The following LMLN variants were observed in gnomAD, a reference collection of about 807,000 sequenced individuals.
The protein encoded by LMLN is leishmanolysin-like peptidase.
Under a neutral mutation model 92.3 loss-of-function variants are expected in LMLN, and 70 were observed. The observed-to-expected ratio is 0.76, with a 90% CI of 0.63 to 0.92. The LOEUF (loss-of-function observed/expected upper bound fraction) is 0.92, where lower values mean the gene tolerates loss of function less well. LMLN is among the 40% of genes least tolerant of loss of function. The probability of loss-of-function intolerance (pLI) is 0.00; values close to 1 mark genes in which losing one functional copy is unlikely to be tolerated. For missense variants in LMLN, 691 were observed against 814.6 expected (o/e 0.85, Z 1.85); for synonymous variants, 308 against 296.2 (o/e 1.04, Z -0.41).
chr3:197,969,490 A>AT (rs930857926), intron 1 of LMLN, among the ~76,000 whole-genome samples: 18 of 151,990 alleles, frequency 1.2e-4, no homozygotes, highest in African/African-American at 4.3e-4. Context: ...TTGTTGTTTG[A>AT]TTTTTTCAAA....
intron 11 of LMLN, among the ~76,000 whole-genome samples, chr3:198,006,547 T>C (rs1722298884): frequency 6.6e-6 from 1 of 152,228 alleles, no homozygotes; most frequent in Non-Finnish European, 1.5e-5. Context: ...TCCACATCTT[T>C]GCCAGCATTT....
chr3:197,980,974 G>T (rs780706654), intron 6 of LMLN, among the ~76,000 whole-genome samples: 3 of 152,046 alleles, frequency 2.0e-5, no homozygotes, highest in Non-Finnish European at 4.4e-5. Flanking sequence ...GTGGTGGCAT[G>T]CACCCGTGGT....
At chr3:197,976,108 G>A in exon 4 of LMLN, 1 of 1,589,810 alleles carries the variant, frequency 6.3e-7, no homozygotes, top group Non-Finnish European at 8.6e-7. Flanking sequence ...ATCTTACTTA[G>A]CAGGTATGTC....
At chr3:197,986,478 C>T (rs1465344468) in intron 8 of LMLN, among the ~76,000 whole-genome samples, 1 of 151,986 alleles carries the variant, frequency 6.6e-6, no homozygotes, top group African/African-American at 2.4e-5. Context: ...AGAAGCCTTC[C>T]AGTAAAAACG....
chr3:198,028,592 A>G (rs963039590), intron 14 of LMLN, among the ~76,000 whole-genome samples: 1 of 152,204 alleles, frequency 6.6e-6, no homozygotes, highest in Non-Finnish European at 1.5e-5. Context: ...CCCTGATGAA[A>G]CTGAGATCAT....
chr3:198,038,183 A>C (rs539171996), intron 15 of LMLN: 1 of 193,450 alleles, frequency 5.2e-6, no homozygotes, highest in African/African-American at 2.4e-5. Flanking sequence ...GCATTCTCAA[A>C]ATGTACTAGT....
rs1721311856 is a variant in LMLN at position 197,974,416 on chromosome 3, AAG to A, written c.265_266del (p.Asp89CysfsTer2). The A allele has an allele frequency of 6.3e-7, 1 of 1,599,028 alleles. No homozygotes were observed. Among genetic ancestry groups the A allele is most frequent in the East Asian group, 2.3e-5 (1 of 44,380 alleles). Reference sequence around the variant, plus strand: ...TCATCTTAAGGCAAATCATGTGGTCAAGAGAGATGTTGATGAGCATTTAAGAA... The same window carrying A: ...TCATCTTAAGGCAAATCATGTGGTCAAGAGATGTTGATGAGCATTTAAGAA... On this transcript the variant is annotated frameshift_variant, in exon 2 of 16. Transcript: ENST00000330198. LOFTEE classifies it high-confidence loss of function.
chr3:197,975,153 T>C (rs764556747), intron 3 of LMLN, 81 bp downstream of exon 3: 7 of 761,760 alleles, frequency 9.2e-6, no homozygotes, highest in Non-Finnish European at 1.6e-5. Flanking sequence ...AAGAAAAATA[T>C]ATACATGACT....
intron 14 of LMLN, among the ~76,000 whole-genome samples, chr3:198,028,978 C>T (rs1236023108): frequency 5.9e-5 from 9 of 152,292 alleles, no homozygotes; most frequent in South Asian, 4.1e-4. Flanking sequence ...TGGCTGTGGA[C>T]GTCTCAAGTA....
intron 11 of LMLN, among the ~76,000 whole-genome samples, chr3:198,011,351 C>T (rs1371407011): frequency 1.3e-5 from 2 of 151,984 alleles, no homozygotes; most frequent in Admixed American, 6.6e-5. Context: ...TCAATTCCCA[C>T]CTATGAGTGA....
chr3:198,024,686 G>C (rs773026882), exon 14 of LMLN: 1 of 1,608,084 alleles, frequency 6.2e-7, no homozygotes, highest in Non-Finnish European at 8.5e-7. Context: ...GCGCTGAAAA[G>C]TATGGACCTC....
intron 5 of LMLN, among the ~76,000 whole-genome samples, chr3:197,978,688 GT>G (rs1721471858): frequency 1.3e-5 from 2 of 152,112 alleles, no homozygotes; most frequent in African/African-American, 4.8e-5. Context: ...AGCTAAGCTA[GT>G]GCTTAATAAA....
At chr3:198,002,397 T>C (rs1357015171) in intron 11 of LMLN, among the ~76,000 whole-genome samples, 1 of 152,224 alleles carries the variant, frequency 6.6e-6, no homozygotes, top group Non-Finnish European at 1.5e-5. Flanking sequence ...CCCAGAGTGC[T>C]GGGGTTACAA....
intron 14 of LMLN, among the ~76,000 whole-genome samples, chr3:198,030,328 C>T (rs568789750): frequency 3.9e-5 from 6 of 152,280 alleles, no homozygotes; most frequent in Admixed American, 6.5e-5. Context: ...TGGATAAATA[C>T]GTATTCACTG....
chr3:197,973,268 G>C (rs899872459), intron 1 of LMLN, among the ~76,000 whole-genome samples: 2 of 149,942 alleles, frequency 1.3e-5, no homozygotes, highest in African/African-American at 2.5e-5. Context: ...TTGAGACGGA[G>C]TCTTGCTCTG....
At position 198,011,427 on chromosome 3, in the gene LMLN, T is replaced by C. The variant is rs530143283; in HGVS notation, c.1233-7826T>C. Among the ~76,000 whole-genome samples, 444 of 152,268 alleles carry C rather than the reference T, an allele frequency of 2.9e-3. 2 individuals carry two copies. The highest frequency in any genetic ancestry group is 0.011 in the Admixed American group (169 of 15,290). ...CTGAGAATGATGGTTTCCAGCTTCA[T>C]CCATGTCCCTACAAAGGACATGAAC... is the stretch of plus-strand genomic sequence containing the variant. On this transcript the variant is annotated intron_variant, in intron 11 of 15. Transcript: ENST00000330198.
intron 1 of LMLN, among the ~76,000 whole-genome samples, chr3:197,972,857 TTGAC>T (rs1218843930): frequency 6.6e-6 from 1 of 152,176 alleles, no homozygotes; most frequent in African/African-American, 2.4e-5. Context: ...AGTCAAATAT[TTGAC>T]TGGGTTTCAT....
chr3:197,991,099 TTTTC>T (rs1206674623), intron 9 of LMLN, among the ~76,000 whole-genome samples: 4 of 146,528 alleles, frequency 2.7e-5, no homozygotes, highest in African/African-American at 8.1e-5. Context: ...TTTTCTTTTA[TTTTC>T]TTTCTTTCTT....
chr3:197,962,929 AATTT>A (rs201255393), intron 1 of LMLN, among the ~76,000 whole-genome samples: 1,968 of 152,152 alleles, frequency 0.013, 33 homozygotes, highest in African/African-American at 0.045. Flanking sequence ...TTTCCATATA[AATTT>A]ATTTATTTTT....
Sources: gnomAD v4.1 joint callset for allele counts (sites outside exome capture counted in the v4.1 genomes callset) on GRCh38, gnomAD v4.1.1 for gene constraint, MANE v1.5 for transcripts, NCBI Gene and HGNC (gene_info 2026-07-23, HGNC 2026-07-21) for gene names.